COL27A1: variants seen among roughly 807,000 people sequenced by gnomAD.
The protein encoded by COL27A1 is collagen alpha-1(XXVII) chain.
Under a neutral mutation model 251.3 loss-of-function variants are expected in COL27A1, and 106 were observed. The ratio of observed to expected loss-of-function variants is 0.42; its 90% CI spans 0.36 to 0.50. COL27A1 has a LOEUF of 0.50. Among genes scored for constraint, COL27A1 ranks in the 20% least tolerant of loss-of-function variants. The pLI, the probability that COL27A1 is intolerant of heterozygous loss-of-function variation, is 0.00. For synonymous variants in COL27A1, 1,000 were observed against 986.3 expected (o/e 1.01, Z -0.26); for missense variants, 2,325 against 2,522.8 (o/e 0.92, Z 1.68).
chr9:114,294,867 G>A (rs1368431014), intron 49 of COL27A1, among the ~76,000 whole-genome samples: 1 of 152,198 alleles, frequency 6.6e-6, no homozygotes, highest in Non-Finnish European at 1.5e-5. Context: ...ACAAATAGGA[G>A]GTATTCATAT....
At chr9:114,244,345 T>G (rs1468886710) in intron 23 of COL27A1, among the ~76,000 whole-genome samples, 1 of 152,176 alleles carries the variant, frequency 6.6e-6, no homozygotes, top group African/African-American at 2.4e-5. Flanking sequence ...ATATTTTCCC[T>G]ATTCTGCATA....
chr9:114,230,647 A>C (rs1651225459), intron 14 of COL27A1, among the ~76,000 whole-genome samples: 1 of 152,184 alleles, frequency 6.6e-6, no homozygotes, highest in Admixed American at 6.5e-5. Context: ...TCTGGGAAGC[A>C]GGAGGTGCCT....
chr9:114,194,565 A>C (rs1331207175), intron 6 of COL27A1, 108 bp downstream of exon 6: 1 of 992,770 alleles, frequency 1.0e-6, no homozygotes, highest in Non-Finnish European at 1.5e-6. Context: ...TGGCAAAGGC[A>C]GGGAGGTGGG....
chr9:114,191,163 G>A (rs1031793237), intron 5 of COL27A1, among the ~76,000 whole-genome samples: 1 of 152,064 alleles, frequency 6.6e-6, no homozygotes, highest in African/African-American at 2.4e-5. Flanking sequence ...ACTTACCACC[G>A]GATTGTAGTT....
At position 114,168,439 on chromosome 9, in the gene COL27A1, C is replaced by T. The variant is rs773061332; in HGVS notation, c.884C>T (p.Ala295Val). 1.9e-6 allele frequency: 3 copies of T among 1,613,872 alleles called. 1 individual carries two copies. In the South Asian group the frequency reaches 3.3e-5, roughly 18 times the overall value. ...GGACCCAGGGGGACTGTGGCACCCG[C>T]CACGCCCACCAAGCCCCAAAGGACT... Reference protein sequence around the residue: ...GRGPRGTVAPATPTKPQRTSP... With the variant: ...GRGPRGTVAPVTPTKPQRTSP... Residue 295 changes from alanine to valine, a missense_variant, in exon 3 of 61, where the codon GCC becomes GTC. Around this residue, in one of 4 missense-constraint regions of COL27A1, gnomAD observed 1,183 missense variants for 1,144.1 expected, o/e 1.03. Transcript: ENST00000356083.
intron 44 of COL27A1, 90 bp from the exon 45 acceptor site, chr9:114,289,152 C>T: frequency 1.1e-6 from 1 of 942,558 alleles, no homozygotes; most frequent in Non-Finnish European, 1.6e-6. Flanking sequence ...CCAAACCCCT[C>T]CCCACCCCTC....
intron 56 of COL27A1, among the ~76,000 whole-genome samples, chr9:114,303,947 T>C (rs1370311613): frequency 6.6e-6 from 1 of 152,252 alleles, no homozygotes; most frequent in Admixed American, 6.5e-5. Flanking sequence ...CTGACATCTA[T>C]AGGATGAGTC....
At chr9:114,156,973 C>T (rs2567723) in intron 1 of COL27A1, among the ~76,000 whole-genome samples, 6 of 152,056 alleles carry the variant, frequency 3.9e-5, no homozygotes, top group Admixed American at 3.3e-4. Context: ...GGCCCTGCCC[C>T]CTTTGAGCTG....
At chr9:114,283,906 G>C in intron 40 of COL27A1, 144 bp downstream of exon 40, 1 of 827,030 alleles carries the variant, frequency 1.2e-6, no homozygotes. Flanking sequence ...CCTGCCCCAG[G>C]GAGCGCTGGG....
chr9:114,236,693 C>T (rs1236237626), intron 17 of COL27A1, among the ~76,000 whole-genome samples: 3 of 152,208 alleles, frequency 2.0e-5, no homozygotes, highest in Non-Finnish European at 4.4e-5. Flanking sequence ...CAGAGTTCCC[C>T]AGGAGTCAGA....
At chr9:114,185,865 C>T (rs1360860856) in intron 5 of COL27A1, among the ~76,000 whole-genome samples, 1 of 152,248 alleles carries the variant, frequency 6.6e-6, no homozygotes, top group African/African-American at 2.4e-5. Context: ...TCTCCACCTT[C>T]AGGTGCTTAT....
rs2135084775 is a variant in COL27A1 at position 114,169,074 on chromosome 9, ATGG to A, written c.1521_1523del (p.Met507_Val508delinsIle). 6.2e-7 allele frequency: 1 copy of A among 1,613,908 alleles called. No homozygotes were observed. On this transcript the variant is annotated inframe_deletion, in exon 3 of 61. Transcript: ENST00000356083. ...CAGGAGTACTCGGCCACCAGCCACGATGGTACCTCCAACTTCGGGCACCAGCAC... is the reference window on the plus strand; with the variant it reads ...CAGGAGTACTCGGCCACCAGCCACGATACCTCCAACTTCGGGCACCAGCAC...
intron 60 of COL27A1, 128 bp from the exon 61 acceptor site, chr9:114,310,421 A>G: frequency 1.1e-6 from 1 of 946,538 alleles, no homozygotes; most frequent in South Asian, 1.5e-5. Flanking sequence ...TGTGCCATAT[A>G]GGTCATTGCT....
chr9:114,253,011 C>A, intron 27 of COL27A1, 79 bp downstream of exon 27: 1 of 1,160,312 alleles, frequency 8.6e-7, no homozygotes, highest in Non-Finnish European at 1.3e-6. Context: ...TGGCTCACAC[C>A]TGTAATCTCA....
At chr9:114,310,245 A>AAT (rs920719793) in intron 60 of COL27A1, among the ~76,000 whole-genome samples, 229 of 152,068 alleles carry the variant, frequency 1.5e-3, no homozygotes, top group African/African-American at 5.3e-3. Flanking sequence ...TAAATTAAAA[A>AAT]ATATATATAT....
intron 16 of COL27A1, 76 bp from the exon 17 acceptor site, chr9:114,235,523 G>C: frequency 8.9e-7 from 1 of 1,121,064 alleles, no homozygotes; most frequent in South Asian, 1.2e-5. Context: ...GCTGTACCTC[G>C]CCAGGGGGTC....
intron 7 of COL27A1, 96 bp from the exon 8 acceptor site, chr9:114,205,006 G>A (rs899663999): frequency 4.3e-6 from 5 of 1,152,994 alleles, no homozygotes; most frequent in East Asian, 2.4e-5. Context: ...CAGTACATAC[G>A]GTGCTGAACA....
chr9:114,168,619 C>A lies in COL27A1; in HGVS notation c.1064C>A (p.Pro355Gln). ...TRTPRPAAAQ[P>Q]SQKITATKIP... ...ACGCCTCGCCCTGCGGCCGCTCAAC[C>A]ATCACAGAAGATCACAGCCACCAAA... The change falls in exon 3 of 61, where the codon CCA becomes CAA. Residue 355 changes from proline (P) to glutamine (Q), a missense_variant. Physicochemically the swap from Pro to Gln is moderately conservative, Grantham distance 76 (BLOSUM62 -1). Around this residue, in one of 4 missense-constraint regions of COL27A1, gnomAD observed 1,183 missense variants for 1,144.1 expected, o/e 1.03. Transcript: ENST00000356083. 2 of 1,614,210 alleles carry A rather than the reference C, an allele frequency of 1.2e-6. No homozygotes were observed. The highest frequency in any genetic ancestry group is 2.2e-5 in the South Asian group (2 of 91,086).
At chr9:114,296,999 C>T (rs1389284300) in intron 49 of COL27A1, among the ~76,000 whole-genome samples, 1 of 151,978 alleles carries the variant, frequency 6.6e-6, no homozygotes, top group Non-Finnish European at 1.5e-5. Flanking sequence ...ATAGAAAATG[C>T]AAACTAATCT....
Sources: allele counts gnomAD v4.1 joint callset (sites outside exome capture counted in the v4.1 genomes callset), GRCh38; gene constraint gnomAD v4.1.1; regional missense constraint gnomAD v4.1.1; transcripts MANE v1.5; gene names NCBI Gene and HGNC (gene_info 2026-07-23, HGNC 2026-07-21).